KLHDC10: variants seen among roughly 807,000 people sequenced by gnomAD.
KLHDC10 encodes kelch domain-containing protein 10.
In KLHDC10, 24 loss-of-function variants were observed where a neutral mutation model predicts 56.1. The ratio of observed to expected loss-of-function variants is 0.43; its 90% CI spans 0.31 to 0.60. The LOEUF is 0.60. KLHDC10 is among the 20% of genes least tolerant of loss of function. The probability of loss-of-function intolerance (pLI) is 0.11; values close to 1 mark genes in which losing one functional copy is unlikely to be tolerated. For missense variants in KLHDC10, 349 were observed against 567.0 expected (o/e 0.62, Z 3.91); for synonymous variants, 188 against 207.1 (o/e 0.91, Z 0.79).
At chr7:130,078,580 G>A (rs1252294712) in intron 1 of KLHDC10, among the ~76,000 whole-genome samples, 4 of 151,410 alleles carry the variant, frequency 2.6e-5, no homozygotes, top group African/African-American at 4.9e-5. Flanking sequence ...GTGCAATGCC[G>A]CAGTCTTGGC....
Position 130,097,023 on chromosome 7 carries a change from CA to C in KLHDC10, c.253+18del. 1 of 1,566,374 alleles carries C rather than the reference CA, an allele frequency of 6.4e-7. No homozygotes were observed. Among genetic ancestry groups the C allele is most frequent in the Non-Finnish European group, 8.8e-7 (1 of 1,141,652 alleles). On this transcript the variant is annotated intron_variant, in intron 2 of 9. Coordinates refer to ENST00000335420, the MANE Select transcript of KLHDC10 (RefSeq NM_014997.4). Reference sequence around the variant, plus strand: ...TTTTTGAGAGGTGGGTGATAATTAGCAAGAGATCTGTGCTTCGTATGGGTTA... The same window carrying C: ...TTTTTGAGAGGTGGGTGATAATTAGCAGAGATCTGTGCTTCGTATGGGTTA...
chr7:130,090,790 G>GTGTGTGTC (rs1312259010), intron 1 of KLHDC10, among the ~76,000 whole-genome samples: 1 of 149,684 alleles, frequency 6.7e-6, no homozygotes, highest in Non-Finnish European at 1.5e-5. Flanking sequence ...GTGTGTGTGT[G>GTGTGTGTC]TGTGTATCAT....
At chr7:130,125,809 G>A (rs1436546124) in intron 6 of KLHDC10, 56 bp from the exon 7 acceptor site, 1 of 1,345,004 alleles carries the variant, frequency 7.4e-7, no homozygotes. Context: ...CCTTTTTCAG[G>A]CTAGCTAAAA....
chr7:130,093,181 G>A (rs1795801934), intron 1 of KLHDC10, among the ~76,000 whole-genome samples: 1 of 150,930 alleles, frequency 6.6e-6, no homozygotes, highest in African/African-American at 2.4e-5. Flanking sequence ...ATAAAATATT[G>A]ATGAAGTTAT....
In KLHDC10 at chr7:130,116,088, A is replaced by G. The variant is rs1358724749; in HGVS notation, c.254-357A>G. Among the ~76,000 whole-genome samples the G allele has an allele frequency of 6.6e-6, 1 of 152,184 alleles. No homozygotes were observed. Among genetic ancestry groups the G allele is most frequent in the African/African-American group, 2.4e-5 (1 of 41,442 alleles). On this transcript the variant is annotated intron_variant, in intron 2 of 9. Transcript: ENST00000335420. The surrounding 1 kb of genome is among the most constrained non-coding windows in gnomAD (Gnocchi z 4.8). ...GTGTTTTTTTCTCCTCTAAGGAAAT[A>G]AGAAAACTTGTCCTGTTAGCTTTTG...
At position 130,135,612 on chromosome 7, in the gene KLHDC10, A is replaced by G. The variant is rs1278998442; in HGVS notation, c.*4866A>G. 1 of 154,332 alleles carries G rather than the reference A, an allele frequency of 6.5e-6. No individual in the cohort carries two copies. The highest frequency in any genetic ancestry group is 6.5e-5 in the Admixed American group (1 of 15,268). The allele number at this position is 154,332 out of a possible 1,614,324, so 9.6% of individuals were successfully genotyped here. On this transcript the variant is annotated 3_prime_UTR_variant, in exon 10 of 10. Coordinates refer to ENST00000335420, the MANE Select transcript of KLHDC10 (RefSeq NM_014997.4). ...AGCAAGTAGGAAATACAGTGAATTT[A>G]CCCTAAAATGTCCAATCTGTATTTA...
intron 1 of KLHDC10, among the ~76,000 whole-genome samples, chr7:130,078,450 C>A (rs1489572292): frequency 1.3e-5 from 2 of 152,126 alleles, no homozygotes; most frequent in African/African-American, 2.4e-5. Flanking sequence ...ATCTCAAACT[C>A]CTGGGCTCAA....
At chr7:130,117,866 A>AG (rs1410337425) in intron 3 of KLHDC10, among the ~76,000 whole-genome samples, 1 of 149,084 alleles carries the variant, frequency 6.7e-6, no homozygotes, top group East Asian at 2.0e-4. Context: ...AAAAAAAAAA[A>AG]AAAAAAAAGA....
chr7:130,072,986 C>T (rs1407408855), intron 1 of KLHDC10, among the ~76,000 whole-genome samples: 1 of 152,058 alleles, frequency 6.6e-6, no homozygotes, highest in Non-Finnish European at 1.5e-5. Flanking sequence ...GAACTCCTGA[C>T]CTCAGGTGAT....
chr7:130,081,064 T>C (rs1262637728), intron 1 of KLHDC10, among the ~76,000 whole-genome samples: 2 of 149,906 alleles, frequency 1.3e-5, no homozygotes, highest in Admixed American at 1.3e-4. Flanking sequence ...AGTGGCGTGA[T>C]CTTGGCTCAC....
chr7:130,076,214 C>T lies in KLHDC10; in HGVS notation c.166+5405C>T, dbSNP rs116924568. 6.4e-3 allele frequency among the ~76,000 whole-genome samples: 981 copies of T among 152,178 alleles called. 12 individuals carry two copies. The highest frequency in any genetic ancestry group is 8.8e-3 in the Non-Finnish European group (599 of 68,004). ...ATGCTTGATCTGACAGGAGGCCAAG[C>T]TCTGGCGGGAATGCTCACTCGCCCA... On this transcript the variant is annotated intron_variant, in intron 1 of 9. Coordinates refer to ENST00000335420, the MANE Select transcript of KLHDC10 (RefSeq NM_014997.4).
intron 2 of KLHDC10, among the ~76,000 whole-genome samples, chr7:130,111,500 G>A (rs1026436615): frequency 3.9e-5 from 6 of 152,078 alleles, no homozygotes; most frequent in African/African-American, 1.4e-4. Flanking sequence ...GCTTAGATTA[G>A]AAGTTCAAGA....
At chr7:130,073,786 T>C (rs1795457273) in intron 1 of KLHDC10, among the ~76,000 whole-genome samples, 1 of 152,198 alleles carries the variant, frequency 6.6e-6, no homozygotes, top group South Asian at 2.1e-4. Flanking sequence ...TTATGCAAAC[T>C]TGAAACTTGG....
In KLHDC10 at chr7:130,122,042, CTTG is replaced by C. The variant is rs1796254203; in HGVS notation, c.631-9_631-7del. The C allele has an allele frequency of 6.2e-7, 1 of 1,607,048 alleles. No homozygotes were observed. The highest frequency in any genetic ancestry group is 1.3e-5 in the African/African-American group (1 of 74,628). On this transcript the variant is annotated splice_polypyrimidine_tract_variant and intron_variant, in intron 4 of 9. Coordinates refer to ENST00000335420, the MANE Select transcript of KLHDC10 (RefSeq NM_014997.4). ...AACAAGTCGGTCTTATTCACCTTTC[CTTG>C]TTATCCAGGCTATGGCCATCATCAA...
rs1031814702 is a variant in KLHDC10, at chr7:130,116,268, G to T, written c.254-177G>T. Among the ~76,000 whole-genome samples the T allele has an allele frequency of 1.3e-5, 2 of 152,182 alleles. No homozygotes were observed. Among genetic ancestry groups the T allele is most frequent in the Admixed American group, 1.3e-4 (2 of 15,276 alleles). On this transcript the variant is annotated intron_variant, in intron 2 of 9. Coordinates refer to ENST00000335420, the MANE Select transcript of KLHDC10 (RefSeq NM_014997.4). The surrounding 1 kb of genome is among the most constrained non-coding windows in gnomAD (Gnocchi z 4.8). ...CCTTAAAATCTTAAGTAGTATATGT[G>T]CATAAGAAGTATTATTAGGAAGTAT...
At chr7:130,073,392 C>G (rs2116828163) in intron 1 of KLHDC10, among the ~76,000 whole-genome samples, 1 of 150,672 alleles carries the variant, frequency 6.6e-6, no homozygotes, top group East Asian at 2.0e-4. Flanking sequence ...GCCTCCCGAA[C>G]TCTAGCAATT....
chr7:130,108,740 A>G (rs1796056850), intron 2 of KLHDC10, among the ~76,000 whole-genome samples: 7 of 149,532 alleles, frequency 4.7e-5, no homozygotes, highest in African/African-American at 1.7e-4. Flanking sequence ...AAAAAAAAAA[A>G]GAAAGAAAAG....
intron 1 of KLHDC10, among the ~76,000 whole-genome samples, chr7:130,086,002 A>C (rs2116853820): frequency 6.6e-6 from 1 of 152,216 alleles, no homozygotes; most frequent in East Asian, 1.9e-4. Flanking sequence ...ATATATTAAG[A>C]ATTTCAAATG....
At chr7:130,079,215 G>A (rs933440315) in intron 1 of KLHDC10, among the ~76,000 whole-genome samples, 6 of 151,806 alleles carry the variant, frequency 4.0e-5, no homozygotes, top group African/African-American at 7.3e-5. Context: ...CCGCCACAAC[G>A]TCTGGCTAAC....
Sources: allele counts gnomAD v4.1 joint callset (sites outside exome capture counted in the v4.1 genomes callset), GRCh38; gene constraint gnomAD v4.1.1; non-coding constraint Gnocchi (gnomAD v3.1); transcripts MANE v1.5; gene names NCBI Gene and HGNC (gene_info 2026-07-23, HGNC 2026-07-21).